The following SLC7A8 variants were observed in gnomAD, a reference collection of about 807,000 sequenced individuals.
The protein encoded by SLC7A8 is solute carrier family 7 member 8.
Under a neutral mutation model 51.2 loss-of-function variants are expected in SLC7A8, and 30 were observed. That is an observed-to-expected ratio of 0.59 (90% CI 0.44 to 0.80). SLC7A8 has a LOEUF of 0.80. Among genes scored for constraint, SLC7A8 ranks in the 30% least tolerant of loss-of-function variants. The pLI is 0.00. For missense variants in SLC7A8, 612 were observed against 674.4 expected, an observed-to-expected ratio of 0.91 and a Z score of 1.03; for synonymous variants, 257 against 275.8, an observed-to-expected ratio of 0.93 and a Z score of 0.67.
At chr14:23,159,322 T>TA (rs1341481230) in intron 3 of SLC7A8, among the ~76,000 whole-genome samples, 1 of 152,230 alleles carries the variant, frequency 6.6e-6, no homozygotes, top group Non-Finnish European at 1.5e-5. Context: ...GTCCATTGAG[T>TA]AAAAATCAAG....
intron 1 of SLC7A8, among the ~76,000 whole-genome samples, chr14:23,180,883 A>T (rs182641142): frequency 6.6e-6 from 1 of 152,156 alleles, no homozygotes; most frequent in South Asian, 2.1e-4. Context: ...AAAAATTAGC[A>T]GGGCGTGGTG....
chr14:23,151,180 C>T (rs556366449), intron 3 of SLC7A8, among the ~76,000 whole-genome samples: 2 of 152,324 alleles, frequency 1.3e-5, no homozygotes, highest in Admixed American at 1.3e-4. Context: ...GCGGTGCACA[C>T]GCAGCCATAA....
chr14:23,133,485 C>T (rs1021984732), intron 7 of SLC7A8, among the ~76,000 whole-genome samples: 2 of 149,292 alleles, frequency 1.3e-5, no homozygotes, highest in African/African-American at 4.9e-5. Context: ...TTGGAAATAT[C>T]GTAAGTGCCT....
intron 4 of SLC7A8, 102 bp from the exon 5 acceptor site, chr14:23,140,726 A>T: frequency 8.6e-7 from 1 of 1,165,540 alleles, no homozygotes. Context: ...TGTGGCAATG[A>T]CACCAACTCT....
intron 3 of SLC7A8, among the ~76,000 whole-genome samples, chr14:23,144,344 T>A (rs1323699328): frequency 1.1e-4 from 15 of 135,180 alleles, no homozygotes; most frequent in African/African-American, 2.5e-4. Context: ...AAACACAATT[T>A]TTTTTTTTTT....
intron 3 of SLC7A8, among the ~76,000 whole-genome samples, chr14:23,160,293 G>A (rs1594835822): frequency 1.3e-5 from 2 of 152,152 alleles, no homozygotes; most frequent in South Asian, 2.1e-4. Flanking sequence ...GCTGTAGGCC[G>A]GGTGGGGGTG....
At position 23,131,557 on chromosome 14, in the gene SLC7A8, C is replaced by A; in HGVS notation, c.1017G>T (p.Arg339=). The change falls in exon 8 of 11, where the codon CGG becomes CGT. Residue 339 remains arginine (R), a splice_region_variant and synonymous_variant. Coordinates refer to ENST00000316902, the MANE Select transcript of SLC7A8 (RefSeq NM_012244.4). ...GVNGSLFTSS[R]LFFAGAREGH... is the part of the protein sequence containing the mutation. The stretch of plus-strand genomic sequence containing the variant: ...CCTCTCGGGCTCCAGCGAAGAACAG[C>A]CTGTCAGGGAGAAAAGCAGGTCAGC... 6.3e-7 allele frequency: 1 copy of A among 1,598,626 alleles called. No homozygotes were observed. Among genetic ancestry groups the A allele is most frequent in the South Asian group, 1.1e-5 (1 of 88,762 alleles).
At chr14:23,147,644 A>AT (rs1316469317) in intron 3 of SLC7A8, among the ~76,000 whole-genome samples, 1 of 152,072 alleles carries the variant, frequency 6.6e-6, no homozygotes, top group Non-Finnish European at 1.5e-5. Flanking sequence ...GCTTGTATGT[A>AT]TTTTTTGGGC....
intron 3 of SLC7A8, chr14:23,155,590 A>C: frequency 1.1e-6 from 1 of 878,540 alleles, no homozygotes; most frequent in Non-Finnish European, 1.5e-6. Context: ...GAAAAACTGG[A>C]CACCAAGAAA....
chr14:23,165,538 T>C lies in SLC7A8; in HGVS notation c.357-102A>G, dbSNP rs2140334858. ...TGCATCTCTTTTTTATTTTCAAGGA[T>C]GCTGAAGAGCCCAGCCTCTGCCCCC... On this transcript the variant is annotated intron_variant, in intron 2 of 10. Coordinates refer to ENST00000316902, the MANE Select transcript of SLC7A8 (RefSeq NM_012244.4). The surrounding 1 kb of genome is among the most constrained non-coding windows in gnomAD (Gnocchi z 4.2). 1 of 1,271,648 alleles carries C rather than the reference T, an allele frequency of 7.9e-7. No individual in the cohort carries two copies. Among genetic ancestry groups the C allele is most frequent in the Admixed American group, 3.1e-5 (1 of 31,802 alleles). The allele number at this position is 1,271,648 out of a possible 1,614,324, so 78.8% of individuals were successfully genotyped here. A position where few individuals can be genotyped will look rare whatever the true frequency, so the allele number is the denominator to read the frequency against.
intron 4 of SLC7A8, among the ~76,000 whole-genome samples, chr14:23,141,362 C>T (rs1477855127): frequency 6.6e-6 from 1 of 152,230 alleles, no homozygotes. Context: ...CATAAGTTTC[C>T]ATAATGCTAT....
chr14:23,182,385 G>T (rs975230207), intron 1 of SLC7A8, among the ~76,000 whole-genome samples: 2 of 152,150 alleles, frequency 1.3e-5, no homozygotes, highest in Non-Finnish European at 2.9e-5. Flanking sequence ...CCCAGCCTGG[G>T]AATAATAGCT....
intron 3 of SLC7A8, among the ~76,000 whole-genome samples, chr14:23,163,173 AT>A: frequency 6.6e-6 from 1 of 152,272 alleles, no homozygotes; most frequent in South Asian, 2.1e-4. Context: ...AGTGACTGAT[AT>A]GACTGGGGTG....
At chr14:23,131,958 A>C (rs2048638863) in intron 7 of SLC7A8, among the ~76,000 whole-genome samples, 1 of 150,062 alleles carries the variant, frequency 6.7e-6, no homozygotes. Flanking sequence ...TCCCTAATAC[A>C]CTGGGACTGA....
intron 1 of SLC7A8, among the ~76,000 whole-genome samples, chr14:23,172,732 C>T (rs2048981023): frequency 6.6e-6 from 1 of 152,186 alleles, no homozygotes; most frequent in African/African-American, 2.4e-5. Context: ...GGTGGGAGAG[C>T]TACCAGCACC....
intron 3 of SLC7A8, among the ~76,000 whole-genome samples, chr14:23,158,495 G>A (rs1370333701): frequency 1.3e-5 from 2 of 152,042 alleles, no homozygotes; most frequent in East Asian, 1.9e-4. Context: ...ACAGGCCCCC[G>A]CCACCACGCC....
chr14:23,160,981 T>A (rs1243264461), intron 3 of SLC7A8, among the ~76,000 whole-genome samples: 1 of 152,104 alleles, frequency 6.6e-6, no homozygotes, highest in Admixed American at 6.6e-5. Context: ...TTTCTTTTTT[T>A]ACTGCTGGGT....
chr14:23,135,530 G>A (rs1017779699), intron 7 of SLC7A8, among the ~76,000 whole-genome samples: 16 of 151,562 alleles, frequency 1.1e-4, no homozygotes, highest in African/African-American at 2.2e-4. Context: ...GTGAAACCCC[G>A]TCTCTACTAA....
rs1385754685 is a variant in SLC7A8 at position 23,128,154 on chromosome 14, A to G, written c.1306T>C (p.Phe436Leu). 3 of 1,614,090 alleles carry G rather than the reference A, an allele frequency of 1.9e-6. 1 individual carries two copies. Among genetic ancestry groups the G allele is most frequent in the Non-Finnish European group, 2.5e-6 (3 of 1,180,028 alleles). The change falls in exon 10 of 11, where the codon TTC becomes CTC. Residue 436 changes from phenylalanine to leucine, a missense_variant. Transcript: ENST00000316902. This position sits in a 1 kb window ranked among gnomAD's most constrained non-coding sequence, Gnocchi z 4.3. Reference sequence around the variant, plus strand: ...GACCACAGGCTGAAGACCAGCAGGAAGGCCCAGAACAGCAAGTAGATGATG... The same window carrying G: ...GACCACAGGCTGAAGACCAGCAGGAGGGCCCAGAACAGCAAGTAGATGATG... ...FPIIYLLFWA[F>L]LLVFSLWSEP...
Sources: allele counts gnomAD v4.1 joint callset (sites outside exome capture counted in the v4.1 genomes callset), GRCh38; gene constraint gnomAD v4.1.1; non-coding constraint Gnocchi (gnomAD v3.1); transcripts MANE v1.5; gene names NCBI Gene and HGNC (gene_info 2026-07-23, HGNC 2026-07-21).